Variants in TENT4B observed in about 807,000 individuals in gnomAD.
TENT4B encodes the protein terminal nucleotidyltransferase 4B.
TENT4B carries 10 observed loss-of-function variants against 75.0 expected under a neutral mutation model. The ratio of observed to expected loss-of-function variants is 0.13; its 90% confidence interval spans 0.08 to 0.23. The LOEUF is 0.23. Among genes scored for constraint, TENT4B ranks in the 10% least tolerant of loss-of-function variants. TENT4B has a pLI of 1.00. For synonymous variants in TENT4B, 350 were observed against 357.7 expected (o/e 0.98, Z 0.24); for missense variants, 579 against 893.8 (o/e 0.65, Z 4.49).
At chr16:50,223,511 T>G (rs925371611) in intron 7 of TENT4B, 124 bp downstream of exon 7, 6 of 674,662 alleles carry the variant, frequency 8.9e-6, no homozygotes, top group Non-Finnish European at 1.5e-5. Context: ...TCTTTTTTCA[T>G]CGAAATATTT....
At chr16:50,206,646 G>C (rs898427859) in intron 1 of TENT4B, among the ~76,000 whole-genome samples, 8 of 152,008 alleles carry the variant, frequency 5.3e-5, no homozygotes, top group African/African-American at 1.9e-4. Flanking sequence ...CTGAGCAGAG[G>C]GGCTGGCCGT....
chr16:50,231,338 A>G lies in TENT4B; in HGVS notation c.*2010A>G. The stretch of plus-strand genomic sequence containing the variant: ...AGGACAATTGTGAATGTGTAGACTT[A>G]TGTTTACTGCTAAGGGAACAATTAT... On this transcript the variant is annotated 3_prime_UTR_variant, in exon 12 of 12. Coordinates refer to ENST00000561678, the MANE Select transcript of TENT4B (RefSeq NM_001365324.3). 1.0e-6 allele frequency: 1 copy of G among 981,522 alleles called. No homozygotes were observed. The highest frequency in any genetic ancestry group is 4.7e-5 in the South Asian group (1 of 21,220). 60.8% of individuals were successfully genotyped at this position (981,522 alleles called of 1,614,324 possible). A position where few individuals can be genotyped will look rare whatever the true frequency, so the allele number is the denominator to read the frequency against.
intron 11 of TENT4B, among the ~76,000 whole-genome samples, chr16:50,228,805 A>C (rs2032169924): frequency 6.6e-6 from 1 of 152,212 alleles, no homozygotes. Context: ...ACCCAAACCT[A>C]CCAGTGTGCC....
Position 50,227,974 on chromosome 16 carries a change from A to G in TENT4B, c.1936A>G (p.Asn646Asp), listed in dbSNP as rs2032130872. ...VGKMQSTQTT[N>D]TSNSTNKSQH... ...GAAAATGCAAAGCACCCAAACCACT[A>G]ACACATCCAACAGCACCAACAAATC... Residue 646 changes from asparagine (N) to aspartate (D), a missense_variant, in exon 11 of 12, where the codon AAC becomes GAC. Around this residue, in one of 7 missense-constraint regions of TENT4B, gnomAD observed 164 missense variants for 226.5 expected, o/e 0.72. Transcript: ENST00000561678. The G allele has an allele frequency of 1.2e-6, 2 of 1,613,878 alleles. No homozygotes were observed. The highest frequency in any genetic ancestry group is 1.7e-6 in the Non-Finnish European group (2 of 1,179,880).
intron 1 of TENT4B, among the ~76,000 whole-genome samples, chr16:50,175,282 A>G (rs1324496919): frequency 6.6e-6 from 1 of 152,162 alleles, no homozygotes; most frequent in Non-Finnish European, 1.5e-5. Flanking sequence ...AGCACACATT[A>G]TACATTTTAG....
chr16:50,196,951 G>A (rs1228676851), intron 1 of TENT4B, among the ~76,000 whole-genome samples: 3 of 150,794 alleles, frequency 2.0e-5, no homozygotes, highest in Non-Finnish European at 4.4e-5. Flanking sequence ...AAAAAAAATA[G>A]TACAACTTTA....
intron 2 of TENT4B, among the ~76,000 whole-genome samples, chr16:50,213,756 A>G (rs763707304): frequency 3.3e-5 from 5 of 152,242 alleles, no homozygotes; most frequent in Admixed American, 1.3e-4. Context: ...CAATAAAAAC[A>G]ATACAAATTA....
chr16:50,226,247 C>T (rs1352615640), intron 10 of TENT4B, among the ~76,000 whole-genome samples: 1 of 152,156 alleles, frequency 6.6e-6, no homozygotes, highest in Non-Finnish European at 1.5e-5. Context: ...GAGATCCACC[C>T]GCCTCAGCCT....
chr16:50,175,740 G>C (rs1193450361), intron 1 of TENT4B, among the ~76,000 whole-genome samples: 2 of 152,134 alleles, frequency 1.3e-5, no homozygotes, highest in East Asian at 1.9e-4. Context: ...AAAGTGCTGA[G>C]ATTACAGGCA....
intron 1 of TENT4B, among the ~76,000 whole-genome samples, chr16:50,163,739 G>A (rs2038044602): frequency 6.6e-6 from 1 of 151,318 alleles, no homozygotes; most frequent in African/African-American, 2.4e-5. Context: ...AATATTTTTT[G>A]ACTTTTTAGT....
chr16:50,195,352 T>C (rs2030159838), intron 1 of TENT4B, among the ~76,000 whole-genome samples: 1 of 152,206 alleles, frequency 6.6e-6, no homozygotes, highest in Non-Finnish European at 1.5e-5. Flanking sequence ...AAGCCTAGCA[T>C]TGAAAGTACG....
intron 1 of TENT4B, among the ~76,000 whole-genome samples, chr16:50,202,952 C>G (rs1021155230): frequency 4.6e-5 from 7 of 152,148 alleles, no homozygotes; most frequent in Admixed American, 4.6e-4. Context: ...GTGCAACTGG[C>G]AGTGGCATTT....
chr16:50,153,540 G>A lies in TENT4B; in HGVS notation c.-82G>A. 1.0e-6 allele frequency: 1 copy of A among 977,530 alleles called. No homozygotes were observed. The allele number at this position is 977,530 out of a possible 1,614,324, so 60.6% of individuals were successfully genotyped here. A position where few individuals can be genotyped will look rare whatever the true frequency, so the allele number is the denominator to read the frequency against. On this transcript the variant is annotated 5_prime_UTR_variant, in exon 1 of 12. Coordinates refer to ENST00000561678, the MANE Select transcript of TENT4B (RefSeq NM_001365324.3). ...CAGCGGCAGCAGCAGCAGCAGCCGA[G>A]GCCGGGCGTGCGCCTGAGGCGGCGG...
At position 50,222,615 on chromosome 16, in the gene TENT4B, T is replaced by A. The variant is rs144343017; in HGVS notation, c.1167+181T>A. On this transcript the variant is annotated intron_variant, in intron 6 of 11. Transcript: ENST00000561678. ...ATTTAGCAAATATGTATTTTTAAAT[T>A]CCTATGAAAGAATATTTTTGGTTTT... Among the ~76,000 whole-genome samples, 1,319 of 152,342 alleles carry A rather than the reference T, an allele frequency of 8.7e-3. 15 individuals are homozygous for A. The highest frequency in any genetic ancestry group is 0.012 in the Non-Finnish European group (847 of 68,014).
At position 50,154,175 on chromosome 16, in the gene TENT4B, C is replaced by CG; in HGVS notation, c.560dup (p.Gly188ArgfsTer29). The CG allele has an allele frequency of 3.3e-6, 5 of 1,509,788 alleles. No homozygotes were observed. The highest frequency in any genetic ancestry group is 2.2e-5 in the Admixed American group (1 of 45,708). 93.5% of individuals were successfully genotyped at this position (1,509,788 alleles called of 1,614,324 possible). A position where few individuals can be genotyped will look rare whatever the true frequency, so the allele number is the denominator to read the frequency against. ...CTGCAGCCCAGCGGAGGGCGGGCCG[C>CG]GGGGGGCGGCCGAGCAGACGGCGGC... On this transcript the variant is annotated frameshift_variant, in exon 1 of 12. Coordinates refer to ENST00000561678, the MANE Select transcript of TENT4B (RefSeq NM_001365324.3). LOFTEE classifies it high-confidence loss of function.
At chr16:50,198,120 A>T (rs1000322183) in intron 1 of TENT4B, among the ~76,000 whole-genome samples, 4 of 8,544 alleles carry the variant, frequency 4.7e-4, no homozygotes, top group Non-Finnish European at 8.1e-4. Context: ...AAATATAATT[A>T]AAAAAAAAAA....
In TENT4B at chr16:50,217,607, A is replaced by G; in HGVS notation, c.982A>G (p.Ser328Gly). 2 of 1,532,480 alleles carry G rather than the reference A, an allele frequency of 1.3e-6. No homozygotes were observed. Among genetic ancestry groups the G allele is most frequent in the Non-Finnish European group, 1.8e-6 (2 of 1,142,608 alleles). The allele number at this position is 1,532,480 out of a possible 1,614,324, so 94.9% of individuals were successfully genotyped here. Residue 328 changes from serine to glycine, a missense_variant, in exon 5 of 12, where the codon AGC becomes GGC. This residue lies in a region of TENT4B where 55 missense variants were observed against 77.1 expected (regional missense o/e 0.71). Transcript: ENST00000561678. Reference sequence around the variant, plus strand: ...TTTTACTGAAGTGAAAGTTGATATCAGCTTTAATGTACAGAATGGCGTGAG... The same window carrying G: ...TTTTACTGAAGTGAAAGTTGATATCGGCTTTAATGTACAGAATGGCGTGAG... ...DSFTEVKVDI[S>G]FNVQNGVRAA...
chr16:50,227,655 A>G (rs1369119567), intron 10 of TENT4B, among the ~76,000 whole-genome samples, 184 bp from the exon 11 acceptor site: 1 of 151,796 alleles, frequency 6.6e-6, no homozygotes, highest in East Asian at 1.9e-4. Context: ...CTCTGATAAA[A>G]TCAGTCATTT....
chr16:50,158,103 A>G (rs2037935688), intron 1 of TENT4B, among the ~76,000 whole-genome samples: 1 of 146,308 alleles, frequency 6.8e-6, no homozygotes, highest in Admixed American at 6.8e-5. Flanking sequence ...GAATGAATTA[A>G]TGAGAGGGAG....
Sources: allele counts gnomAD v4.1 joint callset (sites outside exome capture counted in the v4.1 genomes callset), GRCh38; gene constraint gnomAD v4.1.1; regional missense constraint gnomAD v4.1.1; transcripts MANE v1.5; gene names NCBI Gene and HGNC (gene_info 2026-07-23, HGNC 2026-07-21).